ADCYAP1R1: variants seen among roughly 807,000 people sequenced by gnomAD.
ADCYAP1R1 encodes the protein pituitary adenylate cyclase-activating polypeptide type I receptor.
A neutral mutation model predicts 67.6 loss-of-function variants in ADCYAP1R1; 44 were observed. The observed-to-expected ratio is 0.65, with a 90% CI of 0.51 to 0.84. The LOEUF is 0.84. Among genes scored for constraint, ADCYAP1R1 ranks in the 40% least tolerant of loss-of-function variants. The pLI, the probability that ADCYAP1R1 is intolerant of heterozygous loss-of-function variation, is 0.00. For synonymous variants in ADCYAP1R1, 222 were observed against 219.6 expected, an observed-to-expected ratio of 1.01 and a Z score of -0.10; for missense variants, 477 against 587.9, an observed-to-expected ratio of 0.81 and a Z score of 1.95.
intron 3 of ADCYAP1R1, among the ~76,000 whole-genome samples, chr7:31,073,755 G>A (rs1248463944): frequency 6.6e-6 from 1 of 152,186 alleles, no homozygotes; most frequent in Non-Finnish European, 1.5e-5. Context: ...GGAGGCAGCT[G>A]TGAGTCTCTT....
At chr7:31,093,955 G>A (rs1796076754) in intron 13 of ADCYAP1R1, among the ~76,000 whole-genome samples, 1 of 152,130 alleles carries the variant, frequency 6.6e-6, no homozygotes, top group Non-Finnish European at 1.5e-5. Context: ...AAGGCTCCCT[G>A]AGGCTTCCTC....
chr7:31,086,932 T>G lies in ADCYAP1R1; in HGVS notation c.824-11T>G. On this transcript the variant is annotated splice_polypyrimidine_tract_variant and intron_variant, in intron 10 of 15. Transcript: ENST00000304166. The surrounding 1 kb of genome is among the most constrained non-coding windows in gnomAD (Gnocchi z 5.0). ...CCTGTTCTCACGGACCTCTTTTTCT[T>G]GTTCTCCCAGGGACCCCAACTGTGT... is the stretch of plus-strand genomic sequence containing the variant. 1 of 1,614,184 alleles carries G rather than the reference T, an allele frequency of 6.2e-7. No homozygotes were observed. The highest frequency in any genetic ancestry group is 8.5e-7 in the Non-Finnish European group (1 of 1,180,028).
chr7:31,078,470 C>T (rs144343427), intron 4 of ADCYAP1R1, among the ~76,000 whole-genome samples: 14 of 152,276 alleles, frequency 9.2e-5, no homozygotes, highest in Admixed American at 1.3e-4. Flanking sequence ...GGACTTGGCG[C>T]GCTTTGAACG....
At chr7:31,074,946 C>T (rs1795145416) in intron 3 of ADCYAP1R1, among the ~76,000 whole-genome samples, 1 of 152,200 alleles carries the variant, frequency 6.6e-6, no homozygotes, top group African/African-American at 2.4e-5. Flanking sequence ...GTGCGAACTC[C>T]AAAATAGCCG....
chr7:31,098,149 G>A (rs980328596), intron 13 of ADCYAP1R1, among the ~76,000 whole-genome samples: 7 of 152,090 alleles, frequency 4.6e-5, no homozygotes, highest in African/African-American at 1.4e-4. Context: ...CAATCCACCC[G>A]CCTCGGCCTC....
intron 4 of ADCYAP1R1, among the ~76,000 whole-genome samples, chr7:31,079,305 G>A (rs1795415700): frequency 2.6e-5 from 4 of 152,206 alleles, no homozygotes; most frequent in Admixed American, 1.3e-4. Flanking sequence ...GCACTGAGTT[G>A]GGGCTGGGCA....
intron 4 of ADCYAP1R1, among the ~76,000 whole-genome samples, chr7:31,079,839 G>A (rs1159266533): frequency 6.6e-6 from 1 of 152,224 alleles, no homozygotes; most frequent in Non-Finnish European, 1.5e-5. Flanking sequence ...GAGCAGTCCA[G>A]AGTGAATTTT....
At chr7:31,089,125 C>T (rs1174490351) in intron 12 of ADCYAP1R1, among the ~76,000 whole-genome samples, 1 of 152,062 alleles carries the variant, frequency 6.6e-6, no homozygotes, top group African/African-American at 2.4e-5. Context: ...AGGAATCATT[C>T]TTTCATTGTA....
intron 3 of ADCYAP1R1, among the ~76,000 whole-genome samples, chr7:31,069,330 C>T (rs367930870): frequency 2.6e-5 from 4 of 152,224 alleles, no homozygotes; most frequent in Non-Finnish European, 5.9e-5. Context: ...CTTTCCTGCA[C>T]CTTCCCTGCC....
intron 13 of ADCYAP1R1, among the ~76,000 whole-genome samples, chr7:31,100,525 G>A (rs73688764): frequency 0.099 from 15,082 of 152,118 alleles, 2,005 homozygotes; most frequent in African/African-American, 0.3. Context: ...CTGAGCTTCA[G>A]TGTTTTCAAC....
At position 31,106,932 on chromosome 7, in the gene ADCYAP1R1, A is replaced by C; in HGVS notation, c.*248A>C. 1 of 477,804 alleles carries C rather than the reference A, an allele frequency of 2.1e-6. No individual in the cohort carries two copies. The allele number at this position is 477,804 out of a possible 1,614,324, so 29.6% of individuals were successfully genotyped here. The stretch of plus-strand genomic sequence containing the variant: ...ATGTAAATACTCCTCAAATTTGGAA[A>C]AGTTGTCCCATCCCTTCCCCCTTTG... On this transcript the variant is annotated 3_prime_UTR_variant, in exon 16 of 16. Coordinates refer to ENST00000304166, the MANE Select transcript of ADCYAP1R1 (RefSeq NM_001118.5).
At chr7:31,059,955 G>A (rs1257631210) in intron 1 of ADCYAP1R1, among the ~76,000 whole-genome samples, 1 of 152,000 alleles carries the variant, frequency 6.6e-6, no homozygotes, top group Non-Finnish European at 1.5e-5. Flanking sequence ...ATGGGTGTGG[G>A]GACCAAGAGA....
intron 15 of ADCYAP1R1, among the ~76,000 whole-genome samples, chr7:31,106,250 A>G (rs758998): frequency 1 from 151,929 of 152,366 alleles, 75,750 homozygotes; most frequent in Middle Eastern, 1. Context: ...ACAGGGAGCC[A>G]TTAGAGGGCC....
intron 3 of ADCYAP1R1, among the ~76,000 whole-genome samples, chr7:31,070,249 CCT>C (rs1481889873): frequency 6.6e-6 from 1 of 152,236 alleles, no homozygotes; most frequent in Non-Finnish European, 1.5e-5. Flanking sequence ...GCCAGCATCT[CCT>C]CTTTGCAGGG....
chr7:31,105,643 T>C (rs1398838316), intron 15 of ADCYAP1R1, among the ~76,000 whole-genome samples: 1 of 152,196 alleles, frequency 6.6e-6, no homozygotes, highest in Admixed American at 6.5e-5. Flanking sequence ...GGCTCCTCCC[T>C]CTTTTGCATC....
At chr7:31,058,253 C>G (rs1217305085) in intron 1 of ADCYAP1R1, among the ~76,000 whole-genome samples, 1 of 152,176 alleles carries the variant, frequency 6.6e-6, no homozygotes, top group African/African-American at 2.4e-5. Context: ...GTCTCTGAGT[C>G]CCCTCTGCAC....
Position 31,068,212 on chromosome 7 carries a change from C to T in ADCYAP1R1, c.157+3276C>T, listed in dbSNP as rs181843883. On this transcript the variant is annotated intron_variant, in intron 3 of 15. Transcript: ENST00000304166. ...TCTCTCAGACACGCACGCATGTGCG[C>T]GCGCACACACACACACACACACACA... 4.8e-3 allele frequency among the ~76,000 whole-genome samples: 682 copies of T among 141,178 alleles called. 4 individuals are homozygous for T. The highest frequency in any genetic ancestry group is 0.018 in the African/African-American group (614 of 34,372). 92.6% of individuals were successfully genotyped at this position (141,178 alleles called of 152,430 possible). A position where few individuals can be genotyped will look rare whatever the true frequency, so the allele number is the denominator to read the frequency against.
intron 2 of ADCYAP1R1, among the ~76,000 whole-genome samples, chr7:31,064,411 A>C (rs921483360): frequency 6.6e-6 from 1 of 152,220 alleles, no homozygotes; most frequent in African/African-American, 2.4e-5. Context: ...ACTTTGAGCA[A>C]GTGACTTAAC....
rs1381446118 is a variant in ADCYAP1R1, at chr7:31,052,411, C to A, written c.-339C>A. ...CGCCGCGCGGGGCGGGCAAAGGGGG[C>A]GCTGCGCTCGGCCCCGGGCAGGGAG... On this transcript the variant is annotated 5_prime_UTR_variant, in exon 1 of 16. Coordinates refer to ENST00000304166, the MANE Select transcript of ADCYAP1R1 (RefSeq NM_001118.5). 4 of 150,086 alleles carry A rather than the reference C, an allele frequency of 2.7e-5. No homozygotes were observed. Among genetic ancestry groups the A allele is most frequent in the Non-Finnish European group, 4.5e-5 (3 of 67,384 alleles). 9.3% of individuals were successfully genotyped at this position (150,086 alleles called of 1,614,324 possible).
Sources: allele counts gnomAD v4.1 joint callset (sites outside exome capture counted in the v4.1 genomes callset), GRCh38; gene constraint gnomAD v4.1.1; non-coding constraint Gnocchi (gnomAD v3.1); transcripts MANE v1.5; gene names NCBI Gene and HGNC (gene_info 2026-07-23, HGNC 2026-07-21).